The following KLF12 variants were observed in gnomAD, a reference collection of about 807,000 sequenced individuals.
KLF12 encodes the protein KLF transcription factor 12.
In KLF12, 9 loss-of-function variants were observed where a neutral mutation model predicts 37.8. The observed-to-expected ratio is 0.24, with a 90% confidence interval of 0.14 to 0.42. KLF12 has a LOEUF of 0.42. KLF12 is among the 10% of genes least tolerant of loss of function. KLF12 has a pLI of 1.00. For missense variants in KLF12, 411 were observed against 516.0 expected, an observed-to-expected ratio of 0.80 and a Z score of 1.97; for synonymous variants, 208 against 202.1, an observed-to-expected ratio of 1.03 and a Z score of -0.25.
intron 1 of KLF12, among the ~76,000 whole-genome samples, chr13:74,029,507 T>C (rs948614700): frequency 1.3e-5 from 2 of 152,092 alleles, no homozygotes; most frequent in African/African-American, 2.4e-5. Flanking sequence ...CCAGGAATAA[T>C]TTGGTAGAAT....
In KLF12 at chr13:74,066,207, G is replaced by A. The variant is rs550013034; in HGVS notation, c.-32+67532C>T. On this transcript the variant is annotated intron_variant, in intron 1 of 7. Coordinates refer to ENST00000377669, the MANE Select transcript of KLF12 (RefSeq NM_007249.5). ...AACATCTGTGGGTTTCAGACTGTAC[G>A]ATGTTATTCTCAAAAAGTCGACTGA... 8.5e-5 allele frequency among the ~76,000 whole-genome samples: 13 copies of A among 152,262 alleles called. No homozygotes were observed. The South Asian group carries it at 1.5e-3, about 17-fold the overall frequency.
the KLF12 span, among the ~76,000 whole-genome samples, chr13:74,180,288 G>A: frequency 6.6e-6 from 1 of 152,192 alleles, no homozygotes; most frequent in South Asian, 2.1e-4. Flanking sequence ...TTAGGGAAAT[G>A]CTTGGTCTGA....
At chr13:74,081,187 T>G (rs1267773807) in intron 1 of KLF12, among the ~76,000 whole-genome samples, 1 of 152,184 alleles carries the variant, frequency 6.6e-6, no homozygotes, top group Non-Finnish European at 1.5e-5. Context: ...AACTGCCAGG[T>G]GATCTTAAGC....
chr13:74,111,866 A>C (rs1876992425), intron 1 of KLF12, among the ~76,000 whole-genome samples: 1 of 152,238 alleles, frequency 6.6e-6, no homozygotes, highest in South Asian at 2.1e-4. Flanking sequence ...CTTATAAAAA[A>C]GGCAAATATA....
At chr13:73,978,067 A>AT (rs987653980) in intron 2 of KLF12, among the ~76,000 whole-genome samples, 10 of 152,312 alleles carry the variant, frequency 6.6e-5, no homozygotes, top group Admixed American at 2.0e-4. Context: ...TTCAAAGATG[A>AT]TTTTTTTAGA....
the KLF12 span, among the ~76,000 whole-genome samples, chr13:74,294,004 G>A: frequency 1.1e-4 from 17 of 152,212 alleles, no homozygotes; most frequent in South Asian, 4.1e-4. Flanking sequence ...TTAGATTAGT[G>A]CTTCTTAAAC....
chr13:74,004,671 C>A (rs900996246), intron 1 of KLF12, among the ~76,000 whole-genome samples: 1 of 152,098 alleles, frequency 6.6e-6, no homozygotes, highest in Non-Finnish European at 1.5e-5. Context: ...ATGACATAAA[C>A]TCAGATGCTT....
intron 1 of KLF12, among the ~76,000 whole-genome samples, chr13:74,080,336 T>C (rs1183895325): frequency 6.6e-6 from 1 of 152,026 alleles, no homozygotes; most frequent in Admixed American, 6.6e-5. Flanking sequence ...TAGCTACAGC[T>C]ACAATGGAGG....
At chr13:73,799,513 C>G (rs1318145943) in intron 5 of KLF12, among the ~76,000 whole-genome samples, 6 of 151,994 alleles carry the variant, frequency 3.9e-5, no homozygotes, top group Non-Finnish European at 8.8e-5. Flanking sequence ...TGGGCTTTCA[C>G]AAACAATTTC....
chr13:73,807,145 T>C (rs1311938264), intron 5 of KLF12, among the ~76,000 whole-genome samples: 1 of 151,952 alleles, frequency 6.6e-6, no homozygotes, highest in Non-Finnish European at 1.5e-5. Flanking sequence ...CCGTCTCTAC[T>C]AAAAATACAA....
intron 3 of KLF12, among the ~76,000 whole-genome samples, chr13:73,928,521 A>G (rs1385809167): frequency 1.3e-5 from 2 of 152,236 alleles, no homozygotes; most frequent in African/African-American, 4.8e-5. Context: ...CAAACACTGA[A>G]TAAGTCAGAG....
the KLF12 span, among the ~76,000 whole-genome samples, chr13:74,232,776 A>G: frequency 6.6e-6 from 1 of 152,212 alleles, no homozygotes; most frequent in Admixed American, 6.5e-5. Flanking sequence ...ACGTAGGTCA[A>G]CAACAACAAA....
intron 5 of KLF12, among the ~76,000 whole-genome samples, chr13:73,788,479 T>C (rs781054296): frequency 1.5e-4 from 23 of 152,206 alleles, no homozygotes; most frequent in Non-Finnish European, 5.9e-5. Flanking sequence ...TGTAGGCAGC[T>C]ATAGTTTAAG....
the KLF12 span, among the ~76,000 whole-genome samples, chr13:74,265,819 A>T: frequency 6.6e-6 from 1 of 152,258 alleles, no homozygotes. Context: ...AAGAACAAGG[A>T]TGGAAGTCCT....
Position 73,738,124 on chromosome 13 carries a change from T to TATATATATATATATATATACACAC in KLF12, c.870-22600_870-22599insGTGTGTATATATATATATATATAT, listed in dbSNP as rs1305200790. Among the ~76,000 whole-genome samples, 40 of 81,902 alleles carry TATATATATATATATATATACACAC rather than the reference T, an allele frequency of 4.9e-4. 1 individual carries two copies. Among genetic ancestry groups the TATATATATATATATATATACACAC allele is most frequent in the Middle Eastern group, 6.5e-3 (1 of 154 alleles). The allele number at this position is 81,902 out of a possible 152,430, so 53.7% of individuals were successfully genotyped here. On this transcript the variant is annotated intron_variant, in intron 6 of 7. Coordinates refer to ENST00000377669, the MANE Select transcript of KLF12 (RefSeq NM_007249.5). ...ATATATATATATATATATATATATA[T>TATATATATATATATATATACACAC]ACACACACACACATATATATACACA... is the stretch of plus-strand genomic sequence containing the variant.
At chr13:74,212,920 G>A in the KLF12 span, among the ~76,000 whole-genome samples, 2 of 152,026 alleles carry the variant, frequency 1.3e-5, no homozygotes, top group South Asian at 4.2e-4. Context: ...AGAAGAAGAT[G>A]GTTGATAAGG....
chr13:73,691,961 GT>G lies in KLF12; in HGVS notation c.*3528del, dbSNP rs918474362. 27 of 152,580 alleles carry G rather than the reference GT, an allele frequency of 1.8e-4. No homozygotes were observed. Among genetic ancestry groups the G allele is most frequent in the African/African-American group, 6.0e-4 (25 of 41,438 alleles). 9.5% of individuals were successfully genotyped at this position (152,580 alleles called of 1,614,324 possible). A position where few individuals can be genotyped will look rare whatever the true frequency, so the allele number is the denominator to read the frequency against. ...TTGTAAACACTGTAGCATTTTGTAA[GT>G]TTTTCCCCTGACAATCATCTTCCTT... is the stretch of plus-strand genomic sequence containing the variant. On this transcript the variant is annotated 3_prime_UTR_variant, in exon 8 of 8. Coordinates refer to ENST00000377669, the MANE Select transcript of KLF12 (RefSeq NM_007249.5).
chr13:73,734,256 C>A (rs147594752), intron 6 of KLF12, among the ~76,000 whole-genome samples: 1 of 152,112 alleles, frequency 6.6e-6, no homozygotes. Context: ...GATAGCCTCT[C>A]CTGACCCCTG....
At chr13:73,778,649 G>C (rs1286045841) in intron 5 of KLF12, among the ~76,000 whole-genome samples, 1 of 152,152 alleles carries the variant, frequency 6.6e-6, no homozygotes, top group African/African-American at 2.4e-5. Context: ...ACAAGCGTGA[G>C]CCACTGCGCC....
Sources: gnomAD v4.1 joint callset for allele counts (sites outside exome capture counted in the v4.1 genomes callset) on GRCh38, gnomAD v4.1.1 for gene constraint, MANE v1.5 for transcripts, NCBI Gene and HGNC (gene_info 2026-07-23, HGNC 2026-07-21) for gene names.